RNGTT: variants seen among roughly 807,000 people sequenced by gnomAD.
RNGTT encodes RNA guanylyltransferase and 5'-phosphatase.
Under a neutral mutation model 79.3 loss-of-function variants are expected in RNGTT, and 33 were observed. The observed-to-expected ratio is 0.42, with a 90% CI of 0.32 to 0.56. RNGTT has a LOEUF of 0.56. RNGTT is among the 20% of genes least tolerant of loss of function. RNGTT has a pLI of 0.17. For missense variants in RNGTT, 497 were observed against 739.1 expected, an observed-to-expected ratio of 0.67 and a Z score of 3.80; for synonymous variants, 222 against 235.9, an observed-to-expected ratio of 0.94 and a Z score of 0.54.
chr6:88,771,616 A>C (rs918090177), intron 12 of RNGTT, among the ~76,000 whole-genome samples: 1 of 151,952 alleles, frequency 6.6e-6, no homozygotes, highest in Non-Finnish European at 1.5e-5. Context: ...ATTACACTGA[A>C]TCAATCAATA....
intron 4 of RNGTT, among the ~76,000 whole-genome samples, chr6:88,921,613 G>A (rs1158068907): frequency 2.0e-5 from 3 of 151,730 alleles, no homozygotes; most frequent in African/African-American, 7.3e-5. Flanking sequence ...TTTTTATTAT[G>A]GAAATTTGCA....
At chr6:88,928,949 A>T (rs1784400341) in intron 4 of RNGTT, 36 bp downstream of exon 4, 1 of 1,472,456 alleles carries the variant, frequency 6.8e-7, no homozygotes, top group African/African-American at 1.4e-5. Context: ...CTGCAAAATA[A>T]AATATTCAAC....
At chr6:88,799,556 C>T (rs749906283) in intron 12 of RNGTT, among the ~76,000 whole-genome samples, 9 of 151,750 alleles carry the variant, frequency 5.9e-5, no homozygotes, top group African/African-American at 1.9e-4. Flanking sequence ...AAAAATTAGC[C>T]GGGCATGGTG....
In RNGTT at chr6:88,613,416, GAAGAA is replaced by G. The variant is rs1422140693; in HGVS notation, c.1631-539_1631-535del. On this transcript the variant is annotated intron_variant, in intron 15 of 15. Coordinates refer to ENST00000369485, the MANE Select transcript of RNGTT (RefSeq NM_003800.5). ...CATTTTATTTACCTATTTGGTCTTAGAAGAAAAGACATTGGCTTAATCATCCTGAC... is the reference window on the plus strand; with the variant it reads ...CATTTTATTTACCTATTTGGTCTTAGAAGACATTGGCTTAATCATCCTGAC... Among the ~76,000 whole-genome samples, 3 of 152,174 alleles carry G rather than the reference GAAGAA, an allele frequency of 2.0e-5. No individual in the cohort carries two copies. The East Asian group carries it at 5.8e-4, about 29-fold the overall frequency.
At chr6:88,769,509 T>C (rs1778577073) in intron 13 of RNGTT, among the ~76,000 whole-genome samples, 1 of 151,916 alleles carries the variant, frequency 6.6e-6, no homozygotes, top group Non-Finnish European at 1.5e-5. Flanking sequence ...TTGTTATTAA[T>C]ATAATTATAT....
chr6:88,848,842 A>C (rs553297757), intron 10 of RNGTT, among the ~76,000 whole-genome samples: 1 of 152,208 alleles, frequency 6.6e-6, no homozygotes, highest in Non-Finnish European at 1.5e-5. Flanking sequence ...AAAGTGGACC[A>C]AAAGTATGAA....
chr6:88,641,222 C>T (rs1248375771), intron 14 of RNGTT, among the ~76,000 whole-genome samples: 2 of 151,788 alleles, frequency 1.3e-5, no homozygotes, highest in Non-Finnish European at 2.9e-5. Flanking sequence ...GCCTGTAATC[C>T]CAGCTACTCA....
intron 14 of RNGTT, among the ~76,000 whole-genome samples, chr6:88,632,718 G>A (rs866652652): frequency 6.7e-6 from 1 of 148,834 alleles, no homozygotes; most frequent in African/African-American, 2.5e-5. Context: ...AAAGTCAGGG[G>A]GGAAAAAAAT....
chr6:88,791,257 A>G (rs940793088), intron 12 of RNGTT, among the ~76,000 whole-genome samples: 5 of 149,118 alleles, frequency 3.4e-5, no homozygotes, highest in Non-Finnish European at 1.5e-5. Flanking sequence ...CAATCCTCCT[A>G]CCTCAGCCTC....
chr6:88,735,696 CA>C (rs1453872986), intron 13 of RNGTT, among the ~76,000 whole-genome samples: 1 of 151,698 alleles, frequency 6.6e-6, no homozygotes, highest in African/African-American at 2.4e-5. Context: ...GCAGTGATTT[CA>C]GGGAAATTTA....
chr6:88,873,889 T>C, intron 8 of RNGTT, among the ~76,000 whole-genome samples: 1 of 152,156 alleles, frequency 6.6e-6, no homozygotes, highest in South Asian at 2.1e-4. Flanking sequence ...ATAGACATAC[T>C]CATTGATCTT....
chr6:88,698,690 G>A (rs538048963), intron 13 of RNGTT, among the ~76,000 whole-genome samples: 11 of 151,912 alleles, frequency 7.2e-5, no homozygotes, highest in Non-Finnish European at 1.6e-4. Context: ...ATTTAAAAGC[G>A]ATTAACTAGA....
At chr6:88,701,403 G>C (rs1394849124) in intron 13 of RNGTT, among the ~76,000 whole-genome samples, 1 of 152,002 alleles carries the variant, frequency 6.6e-6, no homozygotes, top group Admixed American at 6.6e-5. Flanking sequence ...CTAAATGGCA[G>C]CCCTGAGCAT....
At chr6:88,704,490 T>C (rs1481706744) in intron 13 of RNGTT, among the ~76,000 whole-genome samples, 1 of 152,106 alleles carries the variant, frequency 6.6e-6, no homozygotes, top group Non-Finnish European at 1.5e-5. Flanking sequence ...TCACTCTCCT[T>C]TATGATCAAA....
intron 13 of RNGTT, among the ~76,000 whole-genome samples, chr6:88,744,950 T>A (rs1438758574): frequency 6.6e-6 from 1 of 152,212 alleles, no homozygotes; most frequent in Non-Finnish European, 1.5e-5. Context: ...AACTTATTGT[T>A]TCTAAGTATA....
intron 10 of RNGTT, among the ~76,000 whole-genome samples, chr6:88,846,667 T>C (rs61359775): frequency 0.06 from 9,070 of 151,374 alleles, 479 homozygotes; most frequent in African/African-American, 0.14. Context: ...GGCTGAGGCA[T>C]GAGAATTGCC....
chr6:88,735,323 C>T (rs980451735), intron 13 of RNGTT, among the ~76,000 whole-genome samples: 2 of 151,996 alleles, frequency 1.3e-5, no homozygotes, highest in Admixed American at 6.6e-5. Flanking sequence ...CAACACTAAT[C>T]GACTGAATTC....
At chr6:88,674,516 T>G (rs922273328) in intron 14 of RNGTT, among the ~76,000 whole-genome samples, 1 of 152,138 alleles carries the variant, frequency 6.6e-6, no homozygotes, top group African/African-American at 2.4e-5. Flanking sequence ...GCCACTGCAC[T>G]CCAGCCTGGG....
At chr6:88,729,875 A>G (rs1777049842) in intron 13 of RNGTT, among the ~76,000 whole-genome samples, 1 of 152,228 alleles carries the variant, frequency 6.6e-6, no homozygotes, top group Non-Finnish European at 1.5e-5. Context: ...AATGGCTAGA[A>G]AAGTGGTTTG....
Sources: allele counts gnomAD v4.1 joint callset (sites outside exome capture counted in the v4.1 genomes callset), GRCh38; gene constraint gnomAD v4.1.1; transcripts MANE v1.5; gene names NCBI Gene and HGNC (gene_info 2026-07-23, HGNC 2026-07-21).